UNC5D: variants seen among roughly 807,000 people sequenced by gnomAD.
The protein encoded by UNC5D is netrin receptor UNC5D.
In UNC5D, 39 loss-of-function variants were observed where a neutral mutation model predicts 105.4. That is an observed-to-expected ratio of 0.37 (90% CI 0.29 to 0.48). UNC5D has a LOEUF of 0.48. Ranked by LOEUF, UNC5D falls within the 20% of genes least tolerant of loss-of-function variation. UNC5D has a pLI of 0.98. For synonymous variants in UNC5D, 452 were observed against 450.4 expected (o/e 1.00, Z -0.04); for missense variants, 991 against 1,202.4 (o/e 0.82, Z 2.60).
chr8:35,316,850 C>T (rs559858541), intron 1 of UNC5D, among the ~76,000 whole-genome samples: 10 of 152,018 alleles, frequency 6.6e-5, no homozygotes, highest in Admixed American at 4.6e-4. Flanking sequence ...ATATGCTGTC[C>T]GATGGGTTAG....
intron 1 of UNC5D, among the ~76,000 whole-genome samples, chr8:35,450,522 T>C (rs1808078279): frequency 6.6e-6 from 1 of 152,322 alleles, no homozygotes; most frequent in East Asian, 1.9e-4. Context: ...AAAATAATGC[T>C]GTTCTTGCAT....
chr8:35,619,764 T>G (rs1389558127), intron 4 of UNC5D, among the ~76,000 whole-genome samples: 1 of 152,220 alleles, frequency 6.6e-6, no homozygotes, highest in Non-Finnish European at 1.5e-5. Context: ...AGAAGACACC[T>G]CCTTTTAGAA....
At chr8:35,766,206 T>C (rs1801758475) in intron 14 of UNC5D, among the ~76,000 whole-genome samples, 1 of 152,126 alleles carries the variant, frequency 6.6e-6, no homozygotes, top group Admixed American at 6.5e-5. Flanking sequence ...TAGTACAGTG[T>C]GTGGTAATTA....
chr8:35,608,875 T>C (rs1291469601), intron 4 of UNC5D, among the ~76,000 whole-genome samples: 1 of 152,184 alleles, frequency 6.6e-6, no homozygotes, highest in Non-Finnish European at 1.5e-5. Flanking sequence ...GCAATAAGTA[T>C]GTGAGTACAT....
intron 1 of UNC5D, among the ~76,000 whole-genome samples, chr8:35,291,225 A>G (rs1444061201): frequency 6.6e-6 from 1 of 152,184 alleles, no homozygotes; most frequent in Non-Finnish European, 1.5e-5. Context: ...ACTAGTAAGG[A>G]AACAAACTGA....
intron 4 of UNC5D, among the ~76,000 whole-genome samples, chr8:35,667,038 T>C (rs1328296355): frequency 1.3e-5 from 2 of 152,150 alleles, no homozygotes; most frequent in Non-Finnish European, 2.9e-5. Flanking sequence ...GTTAATACAT[T>C]AGTTTACGGA....
chr8:35,756,266 G>A (rs777724764), intron 13 of UNC5D, among the ~76,000 whole-genome samples: 6 of 152,120 alleles, frequency 3.9e-5, no homozygotes, highest in Non-Finnish European at 5.9e-5. Context: ...CAGATTTAAG[G>A]AGTAAGCGAA....
At chr8:35,270,524 A>G (rs1246847424) in intron 1 of UNC5D, among the ~76,000 whole-genome samples, 1 of 152,198 alleles carries the variant, frequency 6.6e-6, no homozygotes, top group Non-Finnish European at 1.5e-5. Flanking sequence ...TCTTTTGAAT[A>G]GTCTTAATAA....
At chr8:35,504,213 C>G (rs1230125063) in intron 1 of UNC5D, among the ~76,000 whole-genome samples, 1 of 152,112 alleles carries the variant, frequency 6.6e-6, no homozygotes, top group Non-Finnish European at 1.5e-5. Flanking sequence ...CAGCTGGATA[C>G]CTGGGTAAAT....
chr8:35,791,094 AG>A lies in UNC5D; in HGVS notation c.*532del. On this transcript the variant is annotated 3_prime_UTR_variant, in exon 17 of 17. Coordinates refer to ENST00000404895, the MANE Select transcript of UNC5D (RefSeq NM_080872.4). Reference sequence around the variant, plus strand: ...ACGTCAAGGAGGGCATTTAGAATTTAGAATCTGAGCACATCACACCAGCACC... The same window carrying A: ...ACGTCAAGGAGGGCATTTAGAATTTAAATCTGAGCACATCACACCAGCACC... The A allele has an allele frequency of 1.1e-5, 2 of 178,824 alleles. No individual in the cohort carries two copies. The highest frequency in any genetic ancestry group is 1.3e-4 in the South Asian group (1 of 7,838). 11.1% of individuals were successfully genotyped at this position (178,824 alleles called of 1,614,324 possible).
chr8:35,256,027 A>T (rs1804052396), intron 1 of UNC5D: 1 of 152,210 alleles, frequency 6.6e-6, no homozygotes, highest in East Asian at 1.9e-4. Context: ...TCATAGCCAA[A>T]GTACTCATCT....
intron 15 of UNC5D, among the ~76,000 whole-genome samples, chr8:35,770,151 A>G (rs765326185): frequency 2.8e-4 from 43 of 152,174 alleles, no homozygotes; most frequent in Non-Finnish European, 4.3e-4. Flanking sequence ...ATCATACTTC[A>G]TGTCCCCTAG....
intron 1 of UNC5D, among the ~76,000 whole-genome samples, chr8:35,274,368 TAA>T (rs1459840214): frequency 6.6e-6 from 1 of 152,226 alleles, no homozygotes; most frequent in Non-Finnish European, 1.5e-5. Flanking sequence ...ACTCGTGTTC[TAA>T]GAGACTAAAC....
At chr8:35,258,675 T>C (rs1247796821) in intron 1 of UNC5D, among the ~76,000 whole-genome samples, 1 of 152,152 alleles carries the variant, frequency 6.6e-6, no homozygotes, top group Non-Finnish European at 1.5e-5. Flanking sequence ...GCTGCTGTAT[T>C]TGAGACACTG....
chr8:35,770,530 GAAAGTTGTTCCCCTT>G (rs1031825531), intron 15 of UNC5D, among the ~76,000 whole-genome samples: 34 of 152,106 alleles, frequency 2.2e-4, no homozygotes, highest in Non-Finnish European at 4.1e-4. Flanking sequence ...GTCTTTGGAA[GAAAGTTGTTCCCCTT>G]AAATTTAACC....
At chr8:35,243,780 C>T (rs975895090) in intron 1 of UNC5D, among the ~76,000 whole-genome samples, 60 of 152,270 alleles carry the variant, frequency 3.9e-4, no homozygotes, top group African/African-American at 1.1e-3. Flanking sequence ...ATGCAAGTTC[C>T]ATCTCATTCA....
chr8:35,401,945 C>T (rs1048882332), intron 1 of UNC5D, among the ~76,000 whole-genome samples: 1 of 152,170 alleles, frequency 6.6e-6, no homozygotes, highest in African/African-American at 2.4e-5. Flanking sequence ...GAGAAATATT[C>T]ATCTTAATTT....
At chr8:35,351,140 C>T (rs1222674950) in intron 1 of UNC5D, among the ~76,000 whole-genome samples, 2 of 151,962 alleles carry the variant, frequency 1.3e-5, no homozygotes, top group African/African-American at 2.4e-5. Flanking sequence ...AAGCCTGAGG[C>T]AGTTGAAAAG....
intron 4 of UNC5D, among the ~76,000 whole-genome samples, chr8:35,673,153 G>T (rs1824940157): frequency 1.3e-5 from 2 of 152,156 alleles, no homozygotes; most frequent in South Asian, 2.1e-4. Context: ...AGTGTAGGTG[G>T]CTTTAAAATC....
Sources: allele counts gnomAD v4.1 joint callset (sites outside exome capture counted in the v4.1 genomes callset), GRCh38; gene constraint gnomAD v4.1.1; transcripts MANE v1.5; gene names NCBI Gene and HGNC (gene_info 2026-07-23, HGNC 2026-07-21).